The following LMOD1 variants were observed in gnomAD, a reference collection of about 807,000 sequenced individuals.
The protein encoded by LMOD1 is leiomodin-1.
In LMOD1, 8 loss-of-function variants were observed where a neutral mutation model predicts 36.5. The ratio of observed to expected loss-of-function variants is 0.22; its 90% CI spans 0.13 to 0.40. The LOEUF (loss-of-function observed/expected upper bound fraction) is 0.40, where lower values mean the gene tolerates loss of function less well. Among genes scored for constraint, LMOD1 ranks in the 10% least tolerant of loss-of-function variants. The pLI, the probability that LMOD1 is intolerant of heterozygous loss-of-function variation, is 1.00. For synonymous variants in LMOD1, 284 were observed against 288.7 expected, an observed-to-expected ratio of 0.98 and a Z score of 0.17; for missense variants, 630 against 751.1, an observed-to-expected ratio of 0.84 and a Z score of 1.88.
At chr1:201,920,131 C>T (rs1681679590) in intron 1 of LMOD1, among the ~76,000 whole-genome samples, 1 of 137,400 alleles carries the variant, frequency 7.3e-6, no homozygotes, top group African/African-American at 2.8e-5. Context: ...ATGATCTTGG[C>T]TCACTGCAAC....
intron 1 of LMOD1, among the ~76,000 whole-genome samples, chr1:201,918,657 ACTT>A (rs1017565842): frequency 2.0e-5 from 3 of 151,790 alleles, no homozygotes; most frequent in African/African-American, 4.8e-5. Context: ...CCTGGCTAAC[ACTT>A]CTTCTTTTGT....
At chr1:201,931,361 C>T (rs1176498469) in intron 1 of LMOD1, among the ~76,000 whole-genome samples, 2 of 152,078 alleles carry the variant, frequency 1.3e-5, no homozygotes, top group Admixed American at 1.3e-4. Flanking sequence ...ATGGCGAAAC[C>T]TCGTCTCTAC....
chr1:201,921,398 G>A (rs1231759160), intron 1 of LMOD1, among the ~76,000 whole-genome samples: 1 of 147,904 alleles, frequency 6.8e-6, no homozygotes, highest in Non-Finnish European at 1.5e-5. Flanking sequence ...TGAGGTTGGA[G>A]AACTGCTTGA....
In LMOD1 at chr1:201,938,277, G is replaced by A. The variant is rs369765621; in HGVS notation, c.261+7803C>T. Among the ~76,000 whole-genome samples the A allele has an allele frequency of 1.1e-3, 172 of 152,050 alleles. 1 individual carries two copies. Among genetic ancestry groups the A allele is most frequent in the African/African-American group, 4.0e-3 (166 of 41,484 alleles). ...CCCGAGTAGCTGGGATTACAGGCAC[G>A]TGCCACCACGCCCGGCTAATTTTGT... On this transcript the variant is annotated intron_variant, in intron 1 of 2. Coordinates refer to ENST00000367288, the MANE Select transcript of LMOD1 (RefSeq NM_012134.3).
rs1429627500 is a variant in LMOD1 at position 201,900,575 on chromosome 1, G to A, written c.438C>T (p.Gly146=). Residue 146 remains glycine, a synonymous_variant, in exon 2 of 3, where the codon GGC becomes GGT. Coordinates refer to ENST00000367288, the MANE Select transcript of LMOD1 (RefSeq NM_012134.3). ...TGATCTTCTCCTCCTTGGGCTTCTC[G>A]CCACTCTTGCCACCAGCTTCATCTC... ...RDRDEAGGKS[G]EKPKEEKIIR... 35 of 1,613,344 alleles carry A rather than the reference G, an allele frequency of 2.2e-5. No individual in the cohort carries two copies. Among genetic ancestry groups the A allele is most frequent in the Admixed American group, 3.3e-5 (2 of 59,944 alleles).
chr1:201,932,630 T>C (rs939676521), intron 1 of LMOD1, among the ~76,000 whole-genome samples: 1 of 151,738 alleles, frequency 6.6e-6, no homozygotes, highest in Non-Finnish European at 1.5e-5. Context: ...TGCACACCTG[T>C]AGTCAGGAGG....
chr1:201,900,833 G>A (rs1010747877), intron 1 of LMOD1, 82 bp from the exon 2 acceptor site: 13 of 1,266,494 alleles, frequency 1.0e-5, no homozygotes, highest in East Asian at 9.6e-5. Flanking sequence ...GTGGGGGAGC[G>A]CTTACATAAC....
At chr1:201,943,476 A>G (rs946010195) in intron 1 of LMOD1, among the ~76,000 whole-genome samples, 4 of 152,252 alleles carry the variant, frequency 2.6e-5, no homozygotes, top group African/African-American at 9.6e-5. Flanking sequence ...CAGCCAGGCC[A>G]GCAGCCTGGA....
intron 1 of LMOD1, among the ~76,000 whole-genome samples, chr1:201,945,449 A>G (rs776866527): frequency 1.3e-5 from 2 of 152,052 alleles, no homozygotes; most frequent in African/African-American, 2.4e-5. Context: ...CCAAAAACCA[A>G]CTAACCACAA....
chr1:201,910,547 G>A (rs1328850741), intron 1 of LMOD1, among the ~76,000 whole-genome samples: 1 of 147,342 alleles, frequency 6.8e-6, no homozygotes, highest in Non-Finnish European at 1.5e-5. Context: ...GCCTCCCAAA[G>A]TGCTGGGATT....
At position 201,926,443 on chromosome 1, in the gene LMOD1, C is replaced by T. The variant is rs143039440; in HGVS notation, c.261+19637G>A. 5.8e-3 allele frequency among the ~76,000 whole-genome samples: 888 copies of T among 152,250 alleles called. 4 individuals carry two copies. The highest frequency in any genetic ancestry group is 0.037 in the Middle Eastern group (11 of 294). The stretch of plus-strand genomic sequence containing the variant: ...CCAAGAGAAGGAGCCCGTGCTGAGG[C>T]TCTGGGGATCTGTTTAGGGCCTTGG... On this transcript the variant is annotated intron_variant, in intron 1 of 2. Coordinates refer to ENST00000367288, the MANE Select transcript of LMOD1 (RefSeq NM_012134.3).
chr1:201,916,194 G>A (rs890122181), intron 1 of LMOD1, among the ~76,000 whole-genome samples: 4 of 151,988 alleles, frequency 2.6e-5, no homozygotes, highest in Non-Finnish European at 4.4e-5. Flanking sequence ...CTGAGATTAC[G>A]GTGTGAGCCA....
intron 1 of LMOD1, among the ~76,000 whole-genome samples, chr1:201,942,417 A>T (rs1682133053): frequency 1.3e-5 from 2 of 152,230 alleles, no homozygotes; most frequent in African/African-American, 4.8e-5. Context: ...TGAGACAGGC[A>T]GAACAAATAG....
intron 1 of LMOD1, among the ~76,000 whole-genome samples, chr1:201,913,225 G>A (rs1291942223): frequency 1.3e-5 from 2 of 152,184 alleles, no homozygotes; most frequent in Non-Finnish European, 2.9e-5. Flanking sequence ...CAAGAGACTT[G>A]TCAGCATCAA....
rs773791741 is a variant in LMOD1, at chr1:201,914,799, G to A, written c.262-14048C>T. Among the ~76,000 whole-genome samples the A allele has an allele frequency of 8.6e-4, 73 of 85,072 alleles. 1 individual carries two copies. Among genetic ancestry groups the A allele is most frequent in the Non-Finnish European group, 5.2e-4 (23 of 44,336 alleles). 55.8% of individuals were successfully genotyped at this position (85,072 alleles called of 152,430 possible). ...CCCCTCCTCCCCACATTGCACTCCCGCACCCTCTTCCACAGCCTTAGCCTC... is the reference window on the plus strand; with the variant it reads ...CCCCTCCTCCCCACATTGCACTCCCACACCCTCTTCCACAGCCTTAGCCTC... On this transcript the variant is annotated intron_variant, in intron 1 of 2. Transcript: ENST00000367288.
intron 1 of LMOD1, among the ~76,000 whole-genome samples, chr1:201,919,616 G>T (rs113830101): frequency 6.6e-6 from 1 of 152,286 alleles, no homozygotes; most frequent in African/African-American, 2.4e-5. Context: ...GTGCTCTGTA[G>T]GTATTGGGTC....
chr1:201,924,718 AAAGAAAGAAAGAAAAG>A (rs1681798344), intron 1 of LMOD1, among the ~76,000 whole-genome samples: 1 of 88,764 alleles, frequency 1.1e-5, no homozygotes, highest in Non-Finnish European at 2.5e-5. Flanking sequence ...AGAAAGAAAG[AAAGAAAGAAAGAAAAG>A]AAAGAAATAG....
intron 1 of LMOD1, among the ~76,000 whole-genome samples, chr1:201,945,728 A>G (rs957059676): frequency 6.6e-6 from 1 of 152,258 alleles, no homozygotes; most frequent in Admixed American, 6.5e-5. Context: ...ACCCCTCCTC[A>G]CAATAGGATG....
chr1:201,938,981 T>G (rs1008909256), intron 1 of LMOD1, among the ~76,000 whole-genome samples: 2 of 152,082 alleles, frequency 1.3e-5, no homozygotes, highest in Non-Finnish European at 2.9e-5. Flanking sequence ...GCAACTCAGT[T>G]TGGGCCCCTG....
Sources: gnomAD v4.1 joint callset for allele counts (sites outside exome capture counted in the v4.1 genomes callset) on GRCh38, gnomAD v4.1.1 for gene constraint, MANE v1.5 for transcripts, NCBI Gene and HGNC (gene_info 2026-07-23, HGNC 2026-07-21) for gene names.